The following SNTB2 variants were observed in gnomAD, a reference collection of about 807,000 sequenced individuals.
The protein encoded by SNTB2 is beta-2-syntrophin.
A neutral mutation model predicts 46.2 loss-of-function variants in SNTB2; 34 were observed. The ratio of observed to expected loss-of-function variants is 0.74; its 90% CI spans 0.56 to 0.98. The LOEUF is 0.98. Among genes scored for constraint, SNTB2 ranks in the 50% least tolerant of loss-of-function variants. The pLI is 0.00. For synonymous variants in SNTB2, 290 were observed against 312.6 expected, an observed-to-expected ratio of 0.93 and a Z score of 0.76; for missense variants, 603 against 731.4, an observed-to-expected ratio of 0.82 and a Z score of 2.02.
chr16:69,244,689 G>A (rs1964652655), intron 1 of SNTB2, among the ~76,000 whole-genome samples: 2 of 152,224 alleles, frequency 1.3e-5, no homozygotes, highest in African/African-American at 4.8e-5. Context: ...TGGAAATAGA[G>A]TATTTTGAAC....
intron 1 of SNTB2, among the ~76,000 whole-genome samples, chr16:69,207,427 G>A (rs982212159): frequency 6.6e-6 from 1 of 151,806 alleles, no homozygotes; most frequent in Non-Finnish European, 1.5e-5. Flanking sequence ...CAAAGTGCTG[G>A]GATTACAGGC....
chr16:69,241,129 G>T (rs1964609791), intron 1 of SNTB2, among the ~76,000 whole-genome samples: 1 of 149,904 alleles, frequency 6.7e-6, no homozygotes, highest in African/African-American at 2.5e-5. Flanking sequence ...CAAAGTGCTG[G>T]GATTACAGGT....
chr16:69,207,386 G>A (rs1250501205), intron 1 of SNTB2, among the ~76,000 whole-genome samples: 1 of 151,818 alleles, frequency 6.6e-6, no homozygotes, highest in African/African-American at 2.4e-5. Flanking sequence ...TCGAACTCCT[G>A]ACCTCAGGTG....
chr16:69,229,536 G>A (rs1964486785), intron 1 of SNTB2, among the ~76,000 whole-genome samples: 2 of 147,886 alleles, frequency 1.4e-5, no homozygotes, highest in African/African-American at 5.0e-5. Flanking sequence ...GAAGTGTAGT[G>A]GTACAGTAAT....
chr16:69,222,226 C>G (rs142519809), intron 1 of SNTB2, among the ~76,000 whole-genome samples: 2 of 152,166 alleles, frequency 1.3e-5, no homozygotes, highest in African/African-American at 4.8e-5. Flanking sequence ...TAAAAAATAT[C>G]AACTGTAAAT....
intron 1 of SNTB2, among the ~76,000 whole-genome samples, chr16:69,237,603 C>CTTTTTTTTTTTTTTTTTTT (rs397706857): frequency 8.4e-6 from 1 of 118,770 alleles, no homozygotes; most frequent in Non-Finnish European, 1.7e-5. Flanking sequence ...TTCTTTCTTT[C>CTTTTTTTTTTTTTTTTTTT]TTTTTTTTTT....
At chr16:69,283,388 CTA>C in intron 4 of SNTB2, among the ~76,000 whole-genome samples, 1 of 152,230 alleles carries the variant, frequency 6.6e-6, no homozygotes, top group Non-Finnish European at 1.5e-5. Flanking sequence ...CCAAATAATT[CTA>C]GAGTCAAATG....
chr16:69,220,699 A>T (rs949157769), intron 1 of SNTB2, among the ~76,000 whole-genome samples: 8 of 151,760 alleles, frequency 5.3e-5, no homozygotes, highest in African/African-American at 1.2e-4. Context: ...TTGGCTAATT[A>T]AAAAAAATTT....
chr16:69,300,388 T>A (rs1965267717), intron 6 of SNTB2, among the ~76,000 whole-genome samples: 1 of 150,886 alleles, frequency 6.6e-6, no homozygotes, highest in Non-Finnish European at 1.5e-5. Context: ...GTAGCTGAGA[T>A]TACATGCACG....
intron 2 of SNTB2, among the ~76,000 whole-genome samples, chr16:69,250,930 G>T (rs968016168): frequency 2.0e-5 from 3 of 151,064 alleles, no homozygotes; most frequent in Admixed American, 2.0e-4. Context: ...GAGCTCATTG[G>T]TCCTTAAATT....
chr16:69,276,497 A>G (rs1448772116), intron 4 of SNTB2, among the ~76,000 whole-genome samples: 1 of 152,258 alleles, frequency 6.6e-6, no homozygotes, highest in Admixed American at 6.5e-5. Context: ...CAAACTGAAT[A>G]TGATAGAATA....
At position 69,245,653 on chromosome 16, in the gene SNTB2, C is replaced by G. The variant is rs751981294; in HGVS notation, c.632C>G (p.Ser211Ter). 1 of 1,614,122 alleles carries G rather than the reference C, an allele frequency of 6.2e-7. No homozygotes were observed. Among genetic ancestry groups the G allele is most frequent in the Non-Finnish European group, 8.5e-7 (1 of 1,180,014 alleles). Residue 211 changes from serine (S) to a stop codon, truncating the protein, a stop_gained, in exon 2 of 7, where the codon TCA becomes TGA. Coordinates refer to ENST00000336278, the MANE Select transcript of SNTB2 (RefSeq NM_006750.4). LOFTEE classifies it high-confidence loss of function. ...TPYIKKPSLV[S>*]DLPWEGAAPQ... ...TATATCAAGAAGCCATCATTAGTAT[C>G]AGATCTGCCGTGGGAAGGTGCAGCC... is the stretch of plus-strand genomic sequence containing the variant.
At position 69,301,014 on chromosome 16, in the gene SNTB2, C is replaced by A; in HGVS notation, c.*90C>A. On this transcript the variant is annotated 3_prime_UTR_variant, in exon 7 of 7. Coordinates refer to ENST00000336278, the MANE Select transcript of SNTB2 (RefSeq NM_006750.4). ...AGCACAAAAAGAAACTCTTTGCTCT[C>A]CTTCAGCACAGTGCCTTCCCAAGGA... 1.2e-6 allele frequency: 1 copy of A among 802,486 alleles called. No individual in the cohort carries two copies. The highest frequency in any genetic ancestry group is 2.1e-6 in the Non-Finnish European group (1 of 485,290). The allele number at this position is 802,486 out of a possible 1,614,324, so 49.7% of individuals were successfully genotyped here.
At chr16:69,246,177 G>A (rs1964668553) in intron 2 of SNTB2, among the ~76,000 whole-genome samples, 1 of 152,124 alleles carries the variant, frequency 6.6e-6, no homozygotes. Context: ...AGTCCATTCA[G>A]TATGATATTG....
chr16:69,252,651 A>G (rs1262517853), intron 2 of SNTB2, among the ~76,000 whole-genome samples: 1 of 152,204 alleles, frequency 6.6e-6, no homozygotes, highest in Non-Finnish European at 1.5e-5. Flanking sequence ...AAGTAAAGTA[A>G]GCTAGACTTA....
At chr16:69,290,917 C>T (rs1965153982) in intron 5 of SNTB2, among the ~76,000 whole-genome samples, 3 of 152,124 alleles carry the variant, frequency 2.0e-5, no homozygotes, top group African/African-American at 7.2e-5. Context: ...CACTTATGAC[C>T]AGGTTAAACT....
At position 69,239,416 on chromosome 16, in the gene SNTB2, G is replaced by A. The variant is rs1354123514; in HGVS notation, c.581-6186G>A. ...AATCTGGACACATACATAAATTCTT[G>A]TAACTGTCACCACAATCAGGATACA... On this transcript the variant is annotated intron_variant, in intron 1 of 6. Transcript: ENST00000336278. Among the ~76,000 whole-genome samples, 5 of 152,162 alleles carry A rather than the reference G, an allele frequency of 3.3e-5. No homozygotes were observed. In the South Asian group the frequency reaches 6.2e-4, roughly 19 times the overall value.
intron 4 of SNTB2, among the ~76,000 whole-genome samples, chr16:69,278,290 T>G (rs1302170763): frequency 7.2e-5 from 11 of 152,002 alleles, no homozygotes; most frequent in Non-Finnish European, 1.6e-4. Context: ...TACTCCAGTC[T>G]GGGGGACAGA....
chr16:69,217,397 C>G (rs560398785), intron 1 of SNTB2, among the ~76,000 whole-genome samples: 3 of 152,060 alleles, frequency 2.0e-5, no homozygotes, highest in Non-Finnish European at 4.4e-5. Flanking sequence ...TTGCTTGAAC[C>G]CAGGACATTG....
Sources: allele counts gnomAD v4.1 joint callset (sites outside exome capture counted in the v4.1 genomes callset), GRCh38; gene constraint gnomAD v4.1.1; transcripts MANE v1.5; gene names NCBI Gene and HGNC (gene_info 2026-07-23, HGNC 2026-07-21).